Variants in TMEM9B observed in about 807,000 individuals in gnomAD.
The protein encoded by TMEM9B is transmembrane protein 9B.
In TMEM9B, 8 loss-of-function variants were observed where a neutral mutation model predicts 23.5. That is an observed-to-expected ratio of 0.34 (90% CI 0.20 to 0.61). The LOEUF is 0.61. TMEM9B is among the 20% of genes least tolerant of loss of function. The pLI, the probability that TMEM9B is intolerant of heterozygous loss-of-function variation, is 0.78. For missense variants in TMEM9B, 197 were observed against 252.3 expected (o/e 0.78, Z 1.49); for synonymous variants, 106 against 96.3 (o/e 1.10, Z -0.59).
chr11:8,962,138 C>T lies in TMEM9B; in HGVS notation c.151G>A (p.Glu51Lys). The T allele has an allele frequency of 1.9e-6, 3 of 1,604,518 alleles. No homozygotes were observed. The highest frequency in any genetic ancestry group is 2.5e-6 in the Non-Finnish European group (3 of 1,176,788). The change falls in exon 2 of 5, where the codon GAA (glutamate) becomes AAA (lysine). Residue 51 changes from glutamate (E) to lysine (K), a missense_variant. Transcript: ENST00000534025. Reference sequence around the variant, plus strand: ...TTATTATAAATATGCCCAGAATTTTCTTTATAGGGAGGGCAGATACATTTA... The same window carrying T: ...TTATTATAAATATGCCCAGAATTTTTTTTATAGGGAGGGCAGATACATTTA... ...RCKCICPPYK[E>K]NSGHIYNKNI...
chr11:8,963,847 G>C (rs550053806), intron 1 of TMEM9B: 6 of 234,954 alleles, frequency 2.6e-5, no homozygotes, highest in South Asian at 6.3e-5. Flanking sequence ...GGGCTGTCAA[G>C]AGCTTAGGGT....
chr11:8,953,480 C>G (rs1853920172), intron 3 of TMEM9B, 143 bp from the exon 4 acceptor site: 1 of 820,844 alleles, frequency 1.2e-6, no homozygotes, highest in African/African-American at 1.7e-5. Flanking sequence ...GAAATAAACT[C>G]AACTCTTCAC....
At chr11:8,952,279 C>CACACACACACACACACACAT (rs371219457) in intron 4 of TMEM9B, among the ~76,000 whole-genome samples, 239 of 126,128 alleles carry the variant, frequency 1.9e-3, no homozygotes, top group African/African-American at 6.2e-3. Context: ...CACACACACA[C>CACACACACACACACACACAT]GCTATATATA....
At chr11:8,951,886 A>G (rs1221037993) in intron 4 of TMEM9B, among the ~76,000 whole-genome samples, 1 of 152,080 alleles carries the variant, frequency 6.6e-6, no homozygotes, top group African/African-American at 2.4e-5. Context: ...CGAGCTGATC[A>G]CTTGAGGTCA....
At chr11:8,953,951 A>G (rs551178566) in intron 3 of TMEM9B, among the ~76,000 whole-genome samples, 1 of 152,370 alleles carries the variant, frequency 6.6e-6, no homozygotes, top group South Asian at 2.1e-4. Context: ...TATCCATACA[A>G]AGACATATGT....
chr11:8,953,453 A>G, intron 3 of TMEM9B, 116 bp from the exon 4 acceptor site: 1 of 958,666 alleles, frequency 1.0e-6, no homozygotes, highest in Non-Finnish European at 1.5e-6. Flanking sequence ...TTCTATACAA[A>G]CCAGATAGCA....
At chr11:8,953,174 T>G in intron 4 of TMEM9B, 29 bp downstream of exon 4, 1 of 1,614,152 alleles carries the variant, frequency 6.2e-7, no homozygotes, top group South Asian at 1.1e-5. Context: ...GGACTGGCCA[T>G]GAGCAGCTAG....
At chr11:8,962,216 GAC>G (rs775086734) in intron 1 of TMEM9B, 33 bp from the exon 2 acceptor site, 6 of 1,398,184 alleles carry the variant, frequency 4.3e-6, no homozygotes, top group African/African-American at 1.5e-5. Flanking sequence ...ATAGTGCGTT[GAC>G]AGTTTATCAT....
chr11:8,951,467 T>C (rs1242159024), intron 4 of TMEM9B, among the ~76,000 whole-genome samples: 1 of 151,912 alleles, frequency 6.6e-6, no homozygotes, highest in African/African-American at 2.4e-5. Context: ...GAATGGAAAA[T>C]TCAGCTGGGT....
Position 8,948,286 on chromosome 11 carries a change from G to T in TMEM9B, c.*34C>A. The T allele has an allele frequency of 6.2e-7, 1 of 1,601,868 alleles. No homozygotes were observed. The highest frequency in any genetic ancestry group is 1.3e-5 in the African/African-American group (1 of 74,768). On this transcript the variant is annotated 3_prime_UTR_variant, in exon 5 of 5. Transcript: ENST00000534025. The stretch of plus-strand genomic sequence containing the variant: ...GTCAGTTCTTTCCAGTTGTCTGCCT[G>T]TTTCTTTCTAGTCACCTTGAATTCA...
intron 1 of TMEM9B, among the ~76,000 whole-genome samples, chr11:8,963,477 G>A (rs1414187220): frequency 6.6e-6 from 1 of 152,222 alleles, no homozygotes; most frequent in African/African-American, 2.4e-5. Flanking sequence ...GGGCACCAGA[G>A]AACAGTATGA....
In TMEM9B at chr11:8,957,196, A is replaced by C. The variant is rs1853990989; in HGVS notation, c.198-898T>G. Among the ~76,000 whole-genome samples the C allele has an allele frequency of 6.6e-6, 1 of 152,242 alleles. No homozygotes were observed. Among genetic ancestry groups the C allele is most frequent in the Admixed American group, 6.5e-5 (1 of 15,292 alleles). On this transcript the variant is annotated intron_variant, in intron 2 of 4. Transcript: ENST00000534025. The surrounding 1 kb of genome is among the most constrained non-coding windows in gnomAD (Gnocchi z 4.3). Reference sequence around the variant, plus strand: ...GAAATAGAATAACTAAAATATTTTAAAACAAAAACTGGTTATTCCAAAGAA... The same window carrying C: ...GAAATAGAATAACTAAAATATTTTACAACAAAAACTGGTTATTCCAAAGAA...
At chr11:8,956,336 T>G (rs74394769) in intron 2 of TMEM9B, 38 bp from the exon 3 acceptor site, 10 of 1,573,352 alleles carry the variant, frequency 6.4e-6, no homozygotes, top group Non-Finnish European at 8.7e-6. Flanking sequence ...TAAGCCCAGC[T>G]AGCTCTTCTG....
chr11:8,956,321 C>G (rs1436208220), intron 2 of TMEM9B, 23 bp from the exon 3 acceptor site: 5 of 1,602,676 alleles, frequency 3.1e-6, no homozygotes, highest in Non-Finnish European at 4.3e-6. Flanking sequence ...AGATAAAATG[C>G]TGCTTAAGCC....
intron 1 of TMEM9B, among the ~76,000 whole-genome samples, chr11:8,963,020 T>C (rs963396630): frequency 6.6e-6 from 1 of 152,222 alleles, no homozygotes; most frequent in African/African-American, 2.4e-5. Flanking sequence ...TTAGTGAGCA[T>C]TTGCTCTGTG....
intron 2 of TMEM9B, among the ~76,000 whole-genome samples, chr11:8,959,450 C>T (rs570295094): frequency 6.6e-6 from 1 of 152,326 alleles, no homozygotes; most frequent in African/African-American, 2.4e-5. Flanking sequence ...AGGACTCCTG[C>T]TTCCTACGTC....
At chr11:8,949,420 A>T (rs1358854179) in intron 4 of TMEM9B, among the ~76,000 whole-genome samples, 1 of 152,188 alleles carries the variant, frequency 6.6e-6, no homozygotes, top group Non-Finnish European at 1.5e-5. Context: ...CTTTTCCTTG[A>T]TCTCTTTTTC....
At chr11:8,958,193 T>C (rs922840192) in intron 2 of TMEM9B, among the ~76,000 whole-genome samples, 1 of 140,606 alleles carries the variant, frequency 7.1e-6, no homozygotes, top group East Asian at 2.1e-4. Flanking sequence ...CCGGGTGTGG[T>C]GGCTCACGCC....
Position 8,964,296 on chromosome 11 carries a change from TC to T in TMEM9B, c.17del (p.Gly6GlufsTer77). On this transcript the variant is annotated frameshift_variant, in exon 1 of 5. Transcript: ENST00000534025. LOFTEE classifies it high-confidence loss of function. The stretch of plus-strand genomic sequence containing the variant: ...GCAAGGAGCCAAGCCGAAGAAGGCC[TC>T]CCCACAGGGTCGCCATCGCTGGGGG... MATLW[G>X]GLLRLGSLLS... is the part of the protein sequence containing the mutation. 6.3e-7 allele frequency: 1 copy of T among 1,586,860 alleles called. No homozygotes were observed. Among genetic ancestry groups the T allele is most frequent in the Non-Finnish European group, 8.6e-7 (1 of 1,167,262 alleles).
Sources: allele counts gnomAD v4.1 joint callset (sites outside exome capture counted in the v4.1 genomes callset), GRCh38; gene constraint gnomAD v4.1.1; non-coding constraint Gnocchi (gnomAD v3.1); transcripts MANE v1.5; gene names NCBI Gene and HGNC (gene_info 2026-07-23, HGNC 2026-07-21).